SERGEF: variants seen among roughly 807,000 people sequenced by gnomAD.
SERGEF encodes the protein secretion regulating guanine nucleotide exchange factor.
SERGEF carries 51 observed loss-of-function variants against 50.0 expected under a neutral mutation model. The ratio of observed to expected loss-of-function variants is 1.02; its 90% CI spans 0.81 to 1.29. The LOEUF (loss-of-function observed/expected upper bound fraction) is 1.29. Ranked by LOEUF, SERGEF falls within the 50% of genes most tolerant of loss-of-function variation. The pLI is 0.00. For missense variants in SERGEF, 521 were observed against 557.0 expected, an observed-to-expected ratio of 0.94 and a Z score of 0.65; for synonymous variants, 205 against 212.4, an observed-to-expected ratio of 0.97 and a Z score of 0.30.
intron 10 of SERGEF, among the ~76,000 whole-genome samples, chr11:17,862,496 T>C (rs1850944027): frequency 6.6e-6 from 1 of 152,200 alleles, no homozygotes; most frequent in Non-Finnish European, 1.5e-5. Flanking sequence ...AATGAATTCA[T>C]GAATGGACAA....
intron 8 of SERGEF, among the ~76,000 whole-genome samples, chr11:17,972,076 G>T (rs902647720): frequency 2.0e-5 from 3 of 152,200 alleles, no homozygotes; most frequent in Non-Finnish European, 2.9e-5. Flanking sequence ...AAACTTGTAG[G>T]GTTGAGGAGT....
In SERGEF at chr11:17,829,497, T is replaced by C. The variant is rs147377974; in HGVS notation, c.1049-41084A>G. On this transcript the variant is annotated intron_variant, in intron 10 of 10. Transcript: ENST00000265965. ...AAGTCTGATTCATTAACCATTATCG[T>C]TTTACCTTAAAACACAAAGAAGACC... 3.8e-3 allele frequency among the ~76,000 whole-genome samples: 577 copies of C among 152,336 alleles called. 1 individual carries two copies. The highest frequency in any genetic ancestry group is 6.1e-3 in the Non-Finnish European group (414 of 68,028).
intron 10 of SERGEF, among the ~76,000 whole-genome samples, chr11:17,805,323 C>A (rs553733913): frequency 6.6e-6 from 1 of 152,174 alleles, no homozygotes. Context: ...AGGGCCCTCC[C>A]GGATCTGATG....
chr11:17,907,298 CAG>C (rs1197224277), intron 9 of SERGEF, among the ~76,000 whole-genome samples: 6 of 152,098 alleles, frequency 3.9e-5, no homozygotes, highest in Non-Finnish European at 8.8e-5. Flanking sequence ...CTAGAGACTT[CAG>C]AGTCTTCATC....
chr11:17,906,248 A>G (rs1851837935), intron 9 of SERGEF, among the ~76,000 whole-genome samples: 2 of 152,122 alleles, frequency 1.3e-5, no homozygotes, highest in South Asian at 4.1e-4. Context: ...CCCTTTCCTC[A>G]TTACCGTGCA....
intron 8 of SERGEF, among the ~76,000 whole-genome samples, chr11:17,972,656 T>C (rs1327249614): frequency 1.3e-5 from 2 of 152,238 alleles, no homozygotes; most frequent in Non-Finnish European, 2.9e-5. Context: ...ATATTTGCTT[T>C]ATTGCTGTAG....
chr11:18,012,963 C>CGCGGCCGCCGCGGGG lies in SERGEF; in HGVS notation c.33_47dup (p.Pro12_Ala16dup), dbSNP rs1160699465. ...CGGAGTCACGTACCCAGGCGAAGAG[C>CGCGGCCGCCGCGGGG]GCGGCCGCCGCGGGGGCGGCCTCCG... On this transcript the variant is annotated inframe_insertion, in exon 1 of 11. Transcript: ENST00000265965. 2.0e-6 allele frequency: 3 copies of CGCGGCCGCCGCGGGG among 1,477,956 alleles called. No homozygotes were observed. The highest frequency in any genetic ancestry group is 1.5e-5 in the African/African-American group (1 of 67,634). The allele number at this position is 1,477,956 out of a possible 1,614,324, so 91.6% of individuals were successfully genotyped here.
chr11:18,006,875 C>T (rs1854085513), intron 2 of SERGEF, 129 bp from the exon 3 acceptor site: 1 of 1,032,028 alleles, frequency 9.7e-7, no homozygotes, highest in East Asian at 2.4e-5. Context: ...AGTTAATAAG[C>T]TGTGTATGTT....
Position 17,886,122 on chromosome 11 carries a change from CCT to C in SERGEF, c.1012-7880_1012-7879del, listed in dbSNP as rs554253495. 4.4e-3 allele frequency among the ~76,000 whole-genome samples: 677 copies of C among 152,180 alleles called. 15 individuals are homozygous for C. The highest frequency in any genetic ancestry group is 1.2e-3 in the Non-Finnish European group (83 of 68,006). On this transcript the variant is annotated intron_variant, in intron 9 of 10. Coordinates refer to ENST00000265965, the MANE Select transcript of SERGEF (RefSeq NM_012139.4). ...GTAAATCTCTTTGCCTCCCTCTGGC[CCT>C]CAGTTCCCTCATCTGTAAAACGGAA...
chr11:17,803,080 G>A (rs1849699932), intron 10 of SERGEF, among the ~76,000 whole-genome samples: 2 of 152,254 alleles, frequency 1.3e-5, no homozygotes, highest in South Asian at 4.1e-4. Context: ...CCAAATCAAA[G>A]TGCTGGGCAG....
intron 10 of SERGEF, chr11:17,866,936 T>A (rs1342902639): frequency 1.3e-5 from 2 of 152,144 alleles, no homozygotes; most frequent in Non-Finnish European, 2.9e-5. Context: ...TGAGACTTAT[T>A]CACTATCACA....
At chr11:17,993,789 A>T (rs781578783) in intron 6 of SERGEF, among the ~76,000 whole-genome samples, 1 of 152,154 alleles carries the variant, frequency 6.6e-6, no homozygotes, top group African/African-American at 2.4e-5. Flanking sequence ...CTGGGCCCCT[A>T]ATGGCCAGGT....
intron 10 of SERGEF, among the ~76,000 whole-genome samples, chr11:17,853,197 G>C (rs1449729996): frequency 6.6e-6 from 1 of 150,970 alleles, no homozygotes; most frequent in Non-Finnish European, 1.5e-5. Flanking sequence ...TGACTAAATA[G>C]AAAAAAAAAT....
rs551308273 is a variant in SERGEF, at chr11:17,795,442, G to A, written c.1049-7029C>T. 7.9e-5 allele frequency among the ~76,000 whole-genome samples: 12 copies of A among 152,310 alleles called. No homozygotes were observed. The East Asian group carries it at 1.2e-3, about 15-fold the overall frequency. ...TCCCTTGCCCTATCCTTTATGCTGA[G>A]GCTGCTGGCCTGGGTGGGAGAAATC... On this transcript the variant is annotated intron_variant, in intron 10 of 10. Transcript: ENST00000265965.
At chr11:17,816,690 G>A (rs1849980875) in intron 10 of SERGEF, among the ~76,000 whole-genome samples, 2 of 152,230 alleles carry the variant, frequency 1.3e-5, no homozygotes, top group South Asian at 4.1e-4. Context: ...CCAAAGTGCT[G>A]AGGCGATCCT....
chr11:18,010,096 G>A, intron 1 of SERGEF: 1 of 1,255,330 alleles, frequency 8.0e-7, no homozygotes, highest in South Asian at 1.3e-5. Flanking sequence ...TCTTCCTGGA[G>A]ATGAGAAGTA....
intron 8 of SERGEF, among the ~76,000 whole-genome samples, chr11:17,985,653 C>T (rs1853579735): frequency 6.6e-6 from 1 of 152,224 alleles, no homozygotes; most frequent in Non-Finnish European, 1.5e-5. Flanking sequence ...TTCTCTTGGA[C>T]TCTTTCCAAG....
intron 9 of SERGEF, among the ~76,000 whole-genome samples, chr11:17,943,200 G>A (rs967779226): frequency 5.3e-5 from 8 of 152,150 alleles, no homozygotes; most frequent in South Asian, 4.1e-4. Context: ...AAACCACCTA[G>A]GCCTAAAGAG....
At chr11:17,893,572 C>A (rs1017635012) in intron 9 of SERGEF, among the ~76,000 whole-genome samples, 7 of 152,118 alleles carry the variant, frequency 4.6e-5, no homozygotes, top group Non-Finnish European at 8.8e-5. Flanking sequence ...AAATACTGGG[C>A]CTCTTTTCAG....
Sources: allele counts gnomAD v4.1 joint callset (sites outside exome capture counted in the v4.1 genomes callset), GRCh38; gene constraint gnomAD v4.1.1; transcripts MANE v1.5; gene names NCBI Gene and HGNC (gene_info 2026-07-23, HGNC 2026-07-21).